The following NDUFS6 variants were observed in gnomAD, a reference collection of about 807,000 sequenced individuals.
The protein encoded by NDUFS6 is NADH dehydrogenase [ubiquinone] iron-sulfur protein 6, mitochondrial.
NDUFS6 carries 14 observed loss-of-function variants against 13.2 expected under a neutral mutation model. The observed-to-expected ratio is 1.06, with a 90% confidence interval of 0.70 to 1.66. The LOEUF is 1.66. Among genes scored for constraint, NDUFS6 ranks in the 40% most tolerant of loss-of-function variants. The pLI is 0.00. For synonymous variants in NDUFS6, 95 were observed against 72.3 expected, an observed-to-expected ratio of 1.31 and a Z score of -1.60; for missense variants, 206 against 170.8, an observed-to-expected ratio of 1.21 and a Z score of -1.15.
chr5:1,803,965 C>G (rs1734087228), intron 2 of NDUFS6, among the ~76,000 whole-genome samples: 1 of 152,004 alleles, frequency 6.6e-6, no homozygotes. Context: ...GGTATGGTTT[C>G]TTTTAGTGGT....
In NDUFS6 at chr5:1,810,341, G is replaced by T. The variant is rs570479240; in HGVS notation, c.187-3998G>T. The stretch of plus-strand genomic sequence containing the variant: ...CATCCCTGGGCTTAGAGGCCTGCTG[G>T]GGGTGTAGAGTTGAGTTCCTTCCCT... On this transcript the variant is annotated intron_variant, in intron 2 of 3. Coordinates refer to ENST00000274137, the MANE Select transcript of NDUFS6 (RefSeq NM_004553.6). 1.8e-3 allele frequency among the ~76,000 whole-genome samples: 280 copies of T among 152,306 alleles called. 5 individuals are homozygous for T. Among genetic ancestry groups the T allele is most frequent in the African/African-American group, 6.3e-3 (263 of 41,552 alleles).
At chr5:1,802,003 G>T in intron 1 of NDUFS6, 3 of 421,796 alleles carry the variant, frequency 7.1e-6, no homozygotes, top group Admixed American at 4.1e-5. Context: ...TTAATGGGGG[G>T]ATAGTAAAGC....
At chr5:1,808,257 T>C (rs1734158982) in intron 2 of NDUFS6, among the ~76,000 whole-genome samples, 2 of 152,198 alleles carry the variant, frequency 1.3e-5, no homozygotes, top group African/African-American at 2.4e-5. Context: ...CGGTGCGATG[T>C]GCGCCATGGC....
intron 1 of NDUFS6, 35 bp downstream of exon 1, chr5:1,801,584 C>T (rs776487961): frequency 2.6e-6 from 4 of 1,546,408 alleles, no homozygotes; most frequent in Admixed American, 1.9e-5. Flanking sequence ...CACCTTCCTC[C>T]AGCCGCACCT....
intron 2 of NDUFS6, among the ~76,000 whole-genome samples, chr5:1,811,682 G>A (rs1734221614): frequency 6.6e-6 from 1 of 152,206 alleles, no homozygotes; most frequent in Non-Finnish European, 1.5e-5. Context: ...TCACTGTAGT[G>A]TTGTTGAACA....
intron 2 of NDUFS6, among the ~76,000 whole-genome samples, chr5:1,805,805 G>A (rs568060430): frequency 6.6e-6 from 1 of 152,350 alleles, no homozygotes; most frequent in South Asian, 2.1e-4. Context: ...AATAACAACA[G>A]CCTGGTAGCC....
At chr5:1,808,247 C>T (rs1734158700) in intron 2 of NDUFS6, among the ~76,000 whole-genome samples, 3 of 152,254 alleles carry the variant, frequency 2.0e-5, no homozygotes, top group Admixed American at 6.5e-5. Context: ...GAGACGCGGG[C>T]GGTGCGATGT....
intron 2 of NDUFS6, among the ~76,000 whole-genome samples, chr5:1,807,848 G>T (rs1291701070): frequency 2.0e-5 from 3 of 152,226 alleles, no homozygotes; most frequent in Non-Finnish European, 4.4e-5. Flanking sequence ...GGAGTGCTGA[G>T]GTACCCAGGG....
In NDUFS6 at chr5:1,813,931, G is replaced by T. The variant is rs561335895; in HGVS notation, c.187-408G>T. Among the ~76,000 whole-genome samples the T allele has an allele frequency of 8.5e-5, 13 of 152,350 alleles. No individual in the cohort carries two copies. The South Asian group carries it at 2.3e-3, about 27-fold the overall frequency. On this transcript the variant is annotated intron_variant, in intron 2 of 3. Coordinates refer to ENST00000274137, the MANE Select transcript of NDUFS6 (RefSeq NM_004553.6). ...TTACTGAGGTGGATAACTGCATGGA[G>T]GTTCTGTGAGAGAATGTTCTTATGA...
At chr5:1,813,954 T>C (rs756616376) in intron 2 of NDUFS6, among the ~76,000 whole-genome samples, 3 of 152,236 alleles carry the variant, frequency 2.0e-5, no homozygotes, top group Non-Finnish European at 2.9e-5. Context: ...AATGTTCTTA[T>C]GAAACGCACA....
intron 2 of NDUFS6, among the ~76,000 whole-genome samples, chr5:1,808,575 C>T (rs1241315574): frequency 6.6e-6 from 1 of 152,212 alleles, no homozygotes; most frequent in South Asian, 2.1e-4. Context: ...TTTATTTCCT[C>T]CCTCATGCAG....
chr5:1,805,863 C>T (rs1439945319), intron 2 of NDUFS6, among the ~76,000 whole-genome samples: 1 of 152,182 alleles, frequency 6.6e-6, no homozygotes, highest in African/African-American at 2.4e-5. Context: ...GCTGGGGCTG[C>T]CCTGCCTGGC....
chr5:1,814,243 G>C lies in NDUFS6; in HGVS notation c.187-96G>C. On this transcript the variant is annotated intron_variant, in intron 2 of 3. Coordinates refer to ENST00000274137, the MANE Select transcript of NDUFS6 (RefSeq NM_004553.6). The surrounding 1 kb of genome is among the most constrained non-coding windows in gnomAD (Gnocchi z 4.9). ...TAAATGAAGCATGCACCATAGATTC[G>C]TGCTGATGGTACATGAATTTGTGTG... 3.3e-6 allele frequency: 5 copies of C among 1,532,910 alleles called. No individual in the cohort carries two copies. In the South Asian group the frequency reaches 3.4e-5, roughly 10 times the overall value. 95.0% of individuals were successfully genotyped at this position (1,532,910 alleles called of 1,614,324 possible).
chr5:1,813,787 C>T lies in NDUFS6; in HGVS notation c.187-552C>T, dbSNP rs375587196. On this transcript the variant is annotated intron_variant, in intron 2 of 3. Transcript: ENST00000274137. ...AGAAAACACTTAGGAACAACCTAAC[C>T]GGCATTCAGGACCTCTGTGGCCCAA... Among the ~76,000 whole-genome samples, 43 of 152,314 alleles carry T rather than the reference C, an allele frequency of 2.8e-4. No homozygotes were observed. The South Asian group carries it at 8.3e-3, about 29-fold the overall frequency.
intron 2 of NDUFS6, among the ~76,000 whole-genome samples, chr5:1,802,786 C>G (rs972783753): frequency 7.2e-5 from 11 of 152,130 alleles, no homozygotes; most frequent in African/African-American, 2.7e-4. Context: ...CTGAAAATGG[C>G]ACATGAGTTT....
At position 1,802,135 on chromosome 5, in the gene NDUFS6, C is replaced by T. The variant is rs1734055917; in HGVS notation, c.133-186C>T. 2.4e-5 allele frequency: 14 copies of T among 587,048 alleles called. No individual in the cohort carries two copies. The South Asian group carries it at 2.7e-4, about 11-fold the overall frequency. 36.4% of individuals were successfully genotyped at this position (587,048 alleles called of 1,614,324 possible). A position where few individuals can be genotyped will look rare whatever the true frequency, so the allele number is the denominator to read the frequency against. The stretch of plus-strand genomic sequence containing the variant: ...CTGCTCTCTGATCCAGGTGACCACC[C>T]GTTTTCATCCCAGGTATCTCGCTAA... On this transcript the variant is annotated intron_variant, in intron 1 of 3. Coordinates refer to ENST00000274137, the MANE Select transcript of NDUFS6 (RefSeq NM_004553.6).
Position 1,814,609 on chromosome 5 carries a change from T to C in NDUFS6, c.309+148T>C. The C allele has an allele frequency of 8.2e-7, 1 of 1,223,186 alleles. No individual in the cohort carries two copies. The highest frequency in any genetic ancestry group is 1.2e-6 in the Non-Finnish European group (1 of 857,582). The allele number at this position is 1,223,186 out of a possible 1,614,324, so 75.8% of individuals were successfully genotyped here. ...GTTCACACTGCTGGCACATTCACCC[T>C]ACAGCGCCACACTACAGGGCCTACA... On this transcript the variant is annotated intron_variant, in intron 3 of 3. Coordinates refer to ENST00000274137, the MANE Select transcript of NDUFS6 (RefSeq NM_004553.6). The surrounding 1 kb of genome is among the most constrained non-coding windows in gnomAD (Gnocchi z 4.9).
At position 1,814,231 on chromosome 5, in the gene NDUFS6, C is replaced by A; in HGVS notation, c.187-108C>A. 1 of 1,432,452 alleles carries A rather than the reference C, an allele frequency of 7.0e-7. No homozygotes were observed. Among genetic ancestry groups the A allele is most frequent in the Non-Finnish European group, 9.8e-7 (1 of 1,018,908 alleles). 88.7% of individuals were successfully genotyped at this position (1,432,452 alleles called of 1,614,324 possible). On this transcript the variant is annotated intron_variant, in intron 2 of 3. Transcript: ENST00000274137. The surrounding 1 kb of genome is among the most constrained non-coding windows in gnomAD (Gnocchi z 4.9). Reference sequence around the variant, plus strand: ...AATGATAATAGTTAAATGAAGCATGCACCATAGATTCGTGCTGATGGTACA... The same window carrying A: ...AATGATAATAGTTAAATGAAGCATGAACCATAGATTCGTGCTGATGGTACA...
At chr5:1,807,130 G>GTGTGAGGTA (rs1443015179) in intron 2 of NDUFS6, among the ~76,000 whole-genome samples, 1 of 151,304 alleles carries the variant, frequency 6.6e-6, no homozygotes, top group African/African-American at 2.4e-5. Context: ...CAGAGGTACT[G>GTGTGAGGTA]CGTGAGGTAC....
Sources: allele counts gnomAD v4.1 joint callset (sites outside exome capture counted in the v4.1 genomes callset), GRCh38; gene constraint gnomAD v4.1.1; non-coding constraint Gnocchi (gnomAD v3.1); transcripts MANE v1.5; gene names NCBI Gene and HGNC (gene_info 2026-07-23, HGNC 2026-07-21).